Variants in FRMD4B observed in about 807,000 individuals in gnomAD.
FRMD4B encodes FERM domain containing 4B.
Under a neutral mutation model 141.5 loss-of-function variants are expected in FRMD4B, and 74 were observed. The ratio of observed to expected loss-of-function variants is 0.52; its 90% CI spans 0.43 to 0.63. The LOEUF (loss-of-function observed/expected upper bound fraction) is 0.63. Among genes scored for constraint, FRMD4B ranks in the 30% least tolerant of loss-of-function variants. The pLI is 0.00. For missense variants in FRMD4B, 1,366 were observed against 1,253.4 expected, an observed-to-expected ratio of 1.09 and a Z score of -1.36; for synonymous variants, 506 against 467.9, an observed-to-expected ratio of 1.08 and a Z score of -1.05.
chr3:69,169,122 G>A lies in FRMD4B; in HGVS notation c.*2739C>T, dbSNP rs568251223. Among the ~76,000 whole-genome samples, 3 of 151,854 alleles carry A rather than the reference G, an allele frequency of 2.0e-5. No homozygotes were observed. Among genetic ancestry groups the A allele is most frequent in the South Asian group, 2.1e-4 (1 of 4,810 alleles). ...TTAACTATTATATCTGAGAGTGTTCGGCTAATGGGCACGATTATGTTTTTG... is the reference window on the plus strand; with the variant it reads ...TTAACTATTATATCTGAGAGTGTTCAGCTAATGGGCACGATTATGTTTTTG... On this transcript the variant is annotated 3_prime_UTR_variant, in exon 23 of 23. Coordinates refer to ENST00000398540, the MANE Select transcript of FRMD4B (RefSeq NM_015123.3).
At position 69,383,039 on chromosome 3, in the gene FRMD4B, T is replaced by C. The variant is rs140081672; in HGVS notation, c.162+2789A>G. Among the ~76,000 whole-genome samples, 415 of 151,550 alleles carry C rather than the reference T, an allele frequency of 2.7e-3. 1 individual carries two copies. The highest frequency in any genetic ancestry group is 9.6e-3 in the African/African-American group (397 of 41,290). ...TAACTCATGGAAAAGATAACATTTA[T>C]TGGATGCTTTCTAAACTCCAGGCAG... On this transcript the variant is annotated intron_variant, in intron 1 of 22. Coordinates refer to ENST00000398540, the MANE Select transcript of FRMD4B (RefSeq NM_015123.3).
chr3:69,198,537 G>C, intron 12 of FRMD4B, 161 bp downstream of exon 12: 2 of 601,316 alleles, frequency 3.3e-6, no homozygotes, highest in South Asian at 2.1e-5. Flanking sequence ...ATTCCTCAGA[G>C]GGTTAAAGAT....
chr3:69,480,634 A>G (rs1048593008), intron 1 of FRMD4B, among the ~76,000 whole-genome samples: 1 of 152,156 alleles, frequency 6.6e-6, no homozygotes, highest in Non-Finnish European at 1.5e-5. Flanking sequence ...GGCGCCTCCC[A>G]GTTAGGCTGC....
chr3:69,408,980 C>A (rs1704706285), intron 2 of FRMD4B, among the ~76,000 whole-genome samples: 1 of 152,086 alleles, frequency 6.6e-6, no homozygotes, highest in Admixed American at 6.6e-5. Flanking sequence ...ATTATTTAAC[C>A]ACCTTAAGGC....
chr3:69,370,411 T>C (rs1703792884), intron 1 of FRMD4B, among the ~76,000 whole-genome samples: 1 of 152,046 alleles, frequency 6.6e-6, no homozygotes. Flanking sequence ...CACGGGTGGG[T>C]ACTTGCAGCT....
chr3:69,462,593 T>C (rs981869182), intron 1 of FRMD4B, among the ~76,000 whole-genome samples: 1 of 152,216 alleles, frequency 6.6e-6, no homozygotes, highest in Non-Finnish European at 1.5e-5. Flanking sequence ...TCTTGACTCA[T>C]GCATTCTGGC....
In FRMD4B at chr3:69,176,583, T is replaced by A; in HGVS notation, c.2925A>T (p.Ala975=). Residue 975 remains alanine, a synonymous_variant, in exon 22 of 23, where the codon GCA becomes GCT. Transcript: ENST00000398540. ...CATAGCAGCTGGTGTAAGAAGAATG[T>A]GCTGGAGTCTCGTAATCCGACAGCC... The part of the protein sequence containing the change: ...TIGLSDYETP[A]HSSYTSCYGN... 6.2e-7 allele frequency: 1 copy of A among 1,609,810 alleles called. No homozygotes were observed. The highest frequency in any genetic ancestry group is 1.7e-4 in the Middle Eastern group (1 of 6,048).
intron 1 of FRMD4B, among the ~76,000 whole-genome samples, chr3:69,532,391 T>TA (rs1013564165): frequency 2.0e-5 from 3 of 151,692 alleles, no homozygotes; most frequent in Non-Finnish European, 2.9e-5. Context: ...ATCTGACATT[T>TA]AAAAAAAAAT....
chr3:69,221,319 T>A (rs943460660), intron 9 of FRMD4B, among the ~76,000 whole-genome samples: 2 of 152,316 alleles, frequency 1.3e-5, no homozygotes, highest in Non-Finnish European at 2.9e-5. Flanking sequence ...TACATTACAA[T>A]GGCTTGTTGT....
intron 1 of FRMD4B, among the ~76,000 whole-genome samples, chr3:69,325,543 A>C (rs543550466): frequency 5.3e-5 from 8 of 152,354 alleles, no homozygotes; most frequent in African/African-American, 1.9e-4. Context: ...TGAGAAGCAC[A>C]CAGGATTTAG....
chr3:69,238,235 T>C (rs1439190060), intron 7 of FRMD4B, among the ~76,000 whole-genome samples: 1 of 152,198 alleles, frequency 6.6e-6, no homozygotes, highest in Non-Finnish European at 1.5e-5. Flanking sequence ...AGCCAGTACA[T>C]ACCTAGGAAA....
chr3:69,216,708 G>A (rs1452411387), intron 10 of FRMD4B, among the ~76,000 whole-genome samples: 1 of 151,934 alleles, frequency 6.6e-6, no homozygotes, highest in South Asian at 2.1e-4. Context: ...GGGATTATAG[G>A]TGTGAGCCAC....
chr3:69,374,101 T>C (rs565362372), intron 1 of FRMD4B, among the ~76,000 whole-genome samples: 1 of 152,214 alleles, frequency 6.6e-6, no homozygotes, highest in Non-Finnish European at 1.5e-5. Flanking sequence ...GAGTTTGCAC[T>C]CTAGCATGAT....
At chr3:69,342,460 A>G (rs1702770817) in intron 1 of FRMD4B, among the ~76,000 whole-genome samples, 2 of 152,188 alleles carry the variant, frequency 1.3e-5, no homozygotes, top group African/African-American at 2.4e-5. Flanking sequence ...AGGCCCTGAA[A>G]AAAGATTACC....
chr3:69,482,183 T>A (rs1287705869), intron 1 of FRMD4B, among the ~76,000 whole-genome samples: 1 of 152,178 alleles, frequency 6.6e-6, no homozygotes, highest in Non-Finnish European at 1.5e-5. Context: ...AATGCCCCAA[T>A]CTAATTCCTT....
intron 1 of FRMD4B, among the ~76,000 whole-genome samples, chr3:69,440,165 C>G (rs931368961): frequency 7.2e-5 from 11 of 152,172 alleles, no homozygotes; most frequent in African/African-American, 2.7e-4. Flanking sequence ...CCTTTCTCCC[C>G]ATCTAAAGGT....
At chr3:69,343,491 A>G (rs548238243) in intron 1 of FRMD4B, among the ~76,000 whole-genome samples, 1 of 151,884 alleles carries the variant, frequency 6.6e-6, no homozygotes, top group African/African-American at 2.4e-5. Flanking sequence ...CTACCTGGAT[A>G]TACCCCTGTC....
chr3:69,245,829 AATTTG>A (rs1212054422), intron 7 of FRMD4B, among the ~76,000 whole-genome samples: 8 of 121,180 alleles, frequency 6.6e-5, no homozygotes, highest in African/African-American at 2.7e-4. Context: ...GTGCCAGGCT[AATTTG>A]TTTTTTTTTT....
intron 2 of FRMD4B, among the ~76,000 whole-genome samples, chr3:69,425,946 T>G (rs1705069333): frequency 3.3e-5 from 5 of 152,212 alleles, no homozygotes; most frequent in Admixed American, 3.3e-4. Flanking sequence ...TAAAAAGAAA[T>G]GAACCGTCAG....
Sources: allele counts gnomAD v4.1 joint callset (sites outside exome capture counted in the v4.1 genomes callset), GRCh38; gene constraint gnomAD v4.1.1; transcripts MANE v1.5; gene names NCBI Gene and HGNC (gene_info 2026-07-23, HGNC 2026-07-21).